The following ZNF362 variants were observed in gnomAD, a reference collection of about 807,000 sequenced individuals.
The protein encoded by ZNF362 is rotund homolog.
In ZNF362, 11 loss-of-function variants were observed where a neutral mutation model predicts 42.9. That is an observed-to-expected ratio of 0.26 (90% CI 0.16 to 0.42). The LOEUF (loss-of-function observed/expected upper bound fraction) is 0.42. Ranked by LOEUF, ZNF362 falls within the 20% of genes least tolerant of loss-of-function variation. The probability of loss-of-function intolerance (pLI) is 1.00; values close to 1 mark genes in which losing one functional copy is unlikely to be tolerated. For missense variants in ZNF362, 362 were observed against 576.2 expected (o/e 0.63, Z 3.81); for synonymous variants, 255 against 257.3 (o/e 0.99, Z 0.09).
At chr1:33,128,930 G>T in the ZNF362 span, among the ~76,000 whole-genome samples, 1 of 152,200 alleles carries the variant, frequency 6.6e-6, no homozygotes, top group Admixed American at 6.5e-5. Flanking sequence ...AAAGCACAGG[G>T]CACCAAGGGA....
the ZNF362 span, among the ~76,000 whole-genome samples, chr1:33,235,146 C>G: frequency 1.3e-5 from 2 of 152,092 alleles, no homozygotes; most frequent in Non-Finnish European, 2.9e-5. Context: ...CCTCACTTTA[C>G]TCTTCTGGAA....
Position 33,280,916 on chromosome 1 carries a change from A to G in ZNF362, c.683+459A>G, listed in dbSNP as rs2148109309. On this transcript the variant is annotated intron_variant, in intron 5 of 8. Transcript: ENST00000539719. This position sits in a 1 kb window ranked among gnomAD's most constrained non-coding sequence, Gnocchi z 5.6. ...AAACCTCGTCTCTACAAAAAATACA[A>G]AAGTTAGCCGGGCATGGTGGTGCGC... 6.6e-6 allele frequency among the ~76,000 whole-genome samples: 1 copy of G among 152,222 alleles called. No individual in the cohort carries two copies. Among genetic ancestry groups the G allele is most frequent in the African/African-American group, 2.4e-5 (1 of 41,548 alleles).
At chr1:33,238,381 T>TAAAATAATAAAATAAAATAAAATAAATA in the ZNF362 span, among the ~76,000 whole-genome samples, 3,180 of 103,422 alleles carry the variant, frequency 0.031, 134 homozygotes, top group Non-Finnish European at 0.04. Flanking sequence ...TAAAATAAAA[T>TAAAATAATAAAATAAAATAAAATAAATA]AAATAAAATA....
In ZNF362 at chr1:33,270,520, G is replaced by C. The variant is rs1211609164; in HGVS notation, c.-55G>C. ...GGGAACACAGAGGAAGTGACTGGCTGGGGGTTCAGGGAAAGCTCCGTAGAA... is the reference window on the plus strand; with the variant it reads ...GGGAACACAGAGGAAGTGACTGGCTCGGGGTTCAGGGAAAGCTCCGTAGAA... On this transcript the variant is annotated 5_prime_UTR_variant, in exon 2 of 9. Coordinates refer to ENST00000539719, the MANE Select transcript of ZNF362 (RefSeq NM_152493.3). 6.6e-6 allele frequency: 7 copies of C among 1,067,792 alleles called. 1 individual carries two copies. The South Asian group carries it at 9.0e-5, about 14-fold the overall frequency. The allele number at this position is 1,067,792 out of a possible 1,614,324, so 66.1% of individuals were successfully genotyped here. A position where few individuals can be genotyped will look rare whatever the true frequency, so the allele number is the denominator to read the frequency against.
chr1:33,245,950 A>C, the ZNF362 span, among the ~76,000 whole-genome samples: 1 of 152,114 alleles, frequency 6.6e-6, no homozygotes, highest in South Asian at 2.1e-4. Flanking sequence ...AAACAGAGAG[A>C]GAGAGGGAGG....
chr1:33,196,814 A>G, the ZNF362 span, among the ~76,000 whole-genome samples: 1 of 152,218 alleles, frequency 6.6e-6, no homozygotes, highest in Non-Finnish European at 1.5e-5. Flanking sequence ...ACATGTGAGT[A>G]ATATATTGCA....
At chr1:33,149,861 G>A in the ZNF362 span, among the ~76,000 whole-genome samples, 2 of 152,214 alleles carry the variant, frequency 1.3e-5, no homozygotes, top group African/African-American at 4.8e-5. Context: ...CAAGGACCGT[G>A]TACTGTCTAA....
At chr1:33,187,837 A>G in the ZNF362 span, among the ~76,000 whole-genome samples, 1 of 152,192 alleles carries the variant, frequency 6.6e-6, no homozygotes, top group Non-Finnish European at 1.5e-5. Context: ...GGTCATTGGG[A>G]ATAAAGGTGA....
chr1:33,277,486 AG>A (rs1200603475), intron 4 of ZNF362, among the ~76,000 whole-genome samples: 1 of 152,192 alleles, frequency 6.6e-6, no homozygotes, highest in Non-Finnish European at 1.5e-5. Context: ...GAACCACTGA[AG>A]GTTTTTAAGT....
the ZNF362 span, among the ~76,000 whole-genome samples, chr1:33,129,797 C>T: frequency 1.3e-5 from 2 of 152,072 alleles, no homozygotes; most frequent in African/African-American, 2.4e-5. The surrounding 1 kb of genome is among the most constrained non-coding windows in gnomAD (Gnocchi z 4.1). Flanking sequence ...GGTGATGTTC[C>T]GAAGTATCAG....
chr1:33,274,067 A>G (rs1313361004), intron 2 of ZNF362, among the ~76,000 whole-genome samples: 2 of 152,124 alleles, frequency 1.3e-5, no homozygotes, highest in Non-Finnish European at 2.9e-5. Context: ...TGTGGACAGT[A>G]GCAGGGTTGG....
At chr1:33,224,838 C>G in the ZNF362 span, among the ~76,000 whole-genome samples, 1 of 152,058 alleles carries the variant, frequency 6.6e-6, no homozygotes, top group Non-Finnish European at 1.5e-5. Flanking sequence ...ACGAAGAAAA[C>G]CATATTCAGG....
At chr1:33,230,651 G>A in the ZNF362 span, among the ~76,000 whole-genome samples, 2 of 152,240 alleles carry the variant, frequency 1.3e-5, no homozygotes, top group East Asian at 1.9e-4. Context: ...ATCAATTAGG[G>A]AACACGATTT....
rs1301370651 is a variant in ZNF362, at chr1:33,266,594, T to C, written c.-88-3893T>C. On this transcript the variant is annotated intron_variant, in intron 1 of 8. Coordinates refer to ENST00000539719, the MANE Select transcript of ZNF362 (RefSeq NM_152493.3). The surrounding 1 kb of genome is among the most constrained non-coding windows in gnomAD (Gnocchi z 4.3). ...TGTGGGGCTATGTTGGGGTAGGGGT[T>C]GTAACTAAGAACCAGACCAAGCCCT... 2.0e-5 allele frequency among the ~76,000 whole-genome samples: 3 copies of C among 152,102 alleles called. No homozygotes were observed. The highest frequency in any genetic ancestry group is 7.2e-5 in the African/African-American group (3 of 41,422).
Position 33,281,769 on chromosome 1 carries a change from A to G in ZNF362, c.866A>G (p.Asp289Gly). Residue 289 changes from aspartate to glycine, a missense_variant, in exon 6 of 9, where the codon GAT becomes GGT. Transcript: ENST00000539719. The surrounding 1 kb of genome is among the most constrained non-coding windows in gnomAD (Gnocchi z 4.8). ...AAGCCCTACCACTGCTCCTACTGTG[A>G]TAAGTCCTTCCGGCAGCTCTCCCAC... is the stretch of plus-strand genomic sequence containing the variant. ...GVKPYHCSYC[D>G]KSFRQLSHLQ... The G allele has an allele frequency of 6.2e-7, 1 of 1,614,224 alleles. No homozygotes were observed. Among genetic ancestry groups the G allele is most frequent in the Non-Finnish European group, 8.5e-7 (1 of 1,180,032 alleles).
the ZNF362 span, among the ~76,000 whole-genome samples, chr1:33,228,364 C>G: frequency 1.8e-4 from 28 of 152,230 alleles, no homozygotes; most frequent in East Asian, 3.9e-3. Context: ...TACTTTGAGG[C>G]CTCCTAAATT....
the ZNF362 span, among the ~76,000 whole-genome samples, chr1:33,230,928 C>T: frequency 4.6e-5 from 7 of 152,188 alleles, no homozygotes; most frequent in Admixed American, 1.3e-4. Context: ...AGGGCAAACA[C>T]TGTTATTATT....
chr1:33,141,495 A>C, the ZNF362 span, among the ~76,000 whole-genome samples: 1 of 152,144 alleles, frequency 6.6e-6, no homozygotes, highest in Non-Finnish European at 1.5e-5. Flanking sequence ...CCCTTCCAGC[A>C]TTCAGATTCG....
the ZNF362 span, among the ~76,000 whole-genome samples, chr1:33,155,519 T>C: frequency 6.6e-6 from 1 of 152,100 alleles, no homozygotes; most frequent in Non-Finnish European, 1.5e-5. Context: ...GCCTCCTTCC[T>C]GGTGTGTGTG....
Sources: allele counts gnomAD v4.1 joint callset (sites outside exome capture counted in the v4.1 genomes callset), GRCh38; gene constraint gnomAD v4.1.1; non-coding constraint Gnocchi (gnomAD v3.1); transcripts MANE v1.5; gene names NCBI Gene and HGNC (gene_info 2026-07-23, HGNC 2026-07-21).